CEP126: variants seen among roughly 807,000 people sequenced by gnomAD.
CEP126 encodes centrosomal protein of 126 kDa.
Under a neutral mutation model 107.8 loss-of-function variants are expected in CEP126, and 74 were observed. That is an observed-to-expected ratio of 0.69 (90% confidence interval 0.57 to 0.83). The LOEUF (loss-of-function observed/expected upper bound fraction) is 0.83. Among genes scored for constraint, CEP126 ranks in the 40% least tolerant of loss-of-function variants. The pLI is 0.00. For missense variants in CEP126, 1,237 were observed against 1,281.9 expected (o/e 0.96, Z 0.53); for synonymous variants, 449 against 446.0 (o/e 1.01, Z -0.08).
chr11:101,966,182 A>G (rs1941055310), intron 6 of CEP126, among the ~76,000 whole-genome samples: 1 of 152,204 alleles, frequency 6.6e-6, no homozygotes, highest in South Asian at 2.1e-4. Context: ...TGTTGTAAAT[A>G]TCTATACCTA....
chr11:101,940,697 A>G (rs1940651277), intron 2 of CEP126, among the ~76,000 whole-genome samples: 1 of 152,168 alleles, frequency 6.6e-6, no homozygotes, highest in Non-Finnish European at 1.5e-5. Context: ...AACAATTGGA[A>G]CCAAGCCAGT....
chr11:101,975,886 C>A (rs190829327), intron 6 of CEP126, among the ~76,000 whole-genome samples: 1 of 152,252 alleles, frequency 6.6e-6, no homozygotes, highest in Non-Finnish European at 1.5e-5. Flanking sequence ...TAATGGCCTC[C>A]AGCTCCATTC....
intron 2 of CEP126, among the ~76,000 whole-genome samples, chr11:101,942,688 A>G (rs766306244): frequency 2.8e-4 from 43 of 152,010 alleles, no homozygotes; most frequent in Non-Finnish European, 6.0e-4. Context: ...GGGATTGAAT[A>G]GAATCTGAAG....
At chr11:101,936,742 C>T (rs1240458400) in intron 2 of CEP126, among the ~76,000 whole-genome samples, 1 of 152,124 alleles carries the variant, frequency 6.6e-6, no homozygotes, top group African/African-American at 2.4e-5. Context: ...CCTCTCATTC[C>T]TAGTTTGCTG....
intron 6 of CEP126, among the ~76,000 whole-genome samples, chr11:101,969,718 G>A (rs1941103036): frequency 6.6e-6 from 1 of 152,158 alleles, no homozygotes. Flanking sequence ...TATTATTAAA[G>A]CTAAAGTAAT....
chr11:101,938,294 T>G (rs1314497888), intron 2 of CEP126, among the ~76,000 whole-genome samples: 1 of 151,708 alleles, frequency 6.6e-6, no homozygotes, highest in Non-Finnish European at 1.5e-5. Flanking sequence ...CTGTCTTGCA[T>G]TCATGATATT....
intron 4 of CEP126, among the ~76,000 whole-genome samples, chr11:101,954,652 A>G (rs950669592): frequency 6.6e-6 from 1 of 151,928 alleles, no homozygotes; most frequent in African/African-American, 2.4e-5. Context: ...ATACATATAT[A>G]TATCACATAA....
At position 101,986,489 on chromosome 11, in the gene CEP126, A is replaced by G. The variant is rs1941317992; in HGVS notation, c.3035-343A>G. 7.2e-5 allele frequency among the ~76,000 whole-genome samples: 11 copies of G among 152,276 alleles called. No homozygotes were observed. In the South Asian group the frequency reaches 2.3e-3, roughly 32 times the overall value. ...ATAATTCATTATAACTACTATTATA[A>G]AGACAGTCTTCTTCATCTTTTTTGT... On this transcript the variant is annotated intron_variant, in intron 8 of 10. Coordinates refer to ENST00000263468, the MANE Select transcript of CEP126 (RefSeq NM_020802.4).
At chr11:101,928,510 G>A (rs1940444132) in intron 2 of CEP126, among the ~76,000 whole-genome samples, 1 of 152,200 alleles carries the variant, frequency 6.6e-6, no homozygotes, top group African/African-American at 2.4e-5. Flanking sequence ...TTACAGTTAA[G>A]TCTGTGATCC....
chr11:101,923,893 TG>T (rs1458887208), intron 2 of CEP126, among the ~76,000 whole-genome samples: 14 of 152,200 alleles, frequency 9.2e-5, no homozygotes, highest in Non-Finnish European at 2.1e-4. Flanking sequence ...CAAGGGATTT[TG>T]GTGTAGAGCA....
At chr11:101,984,594 C>G (rs1174018758) in intron 8 of CEP126, among the ~76,000 whole-genome samples, 1 of 151,952 alleles carries the variant, frequency 6.6e-6, no homozygotes, top group African/African-American at 2.4e-5. Flanking sequence ...AAAAAGGTGC[C>G]AATTGACAAT....
chr11:101,989,167 AG>A (rs1941347532), intron 9 of CEP126, among the ~76,000 whole-genome samples: 1 of 152,220 alleles, frequency 6.6e-6, no homozygotes, highest in African/African-American at 2.4e-5. Flanking sequence ...ACCAAAAGAT[AG>A]CCATTAAGAA....
At chr11:101,987,459 C>CAGCT (rs1941328907) in intron 9 of CEP126, among the ~76,000 whole-genome samples, 1 of 152,068 alleles carries the variant, frequency 6.6e-6, no homozygotes, top group African/African-American at 2.4e-5. Context: ...GAGAGTGCAG[C>CAGCT]AGCTAGCTCT....
rs535212770 is a variant in CEP126 at position 101,968,641 on chromosome 11, G to A, written c.2845+4761G>A. 3.9e-5 allele frequency among the ~76,000 whole-genome samples: 6 copies of A among 152,244 alleles called. No individual in the cohort carries two copies. In the South Asian group the frequency reaches 1.2e-3, roughly 32 times the overall value. On this transcript the variant is annotated intron_variant, in intron 6 of 10. Transcript: ENST00000263468. ...AAACTATATGAGCCCATATCTAGAG[G>A]AGCAAATCAGTTCCTCATAGTATAA...
intron 6 of CEP126, among the ~76,000 whole-genome samples, 180 bp downstream of exon 6, chr11:101,964,060 C>CT (rs747744439): frequency 7.2e-5 from 11 of 152,162 alleles, no homozygotes; most frequent in Non-Finnish European, 1.2e-4. Context: ...AATCCCAGCA[C>CT]TTTGGGAGGC....
Position 101,961,883 on chromosome 11 carries a change from T to C in CEP126, c.848T>C (p.Leu283Pro). The change falls in exon 6 of 11, where the codon CTC becomes CCC. Residue 283 changes from leucine (L) to proline (P), a missense_variant. By Grantham distance (98) the Leu-to-Pro change is moderately conservative (BLOSUM62 -3). Around this residue, in one of 3 missense-constraint regions of CEP126, gnomAD observed 1,134 missense variants for 1,150.5 expected, o/e 0.99. Coordinates refer to ENST00000263468, the MANE Select transcript of CEP126 (RefSeq NM_020802.4). ...STSIQRNTISLKPANMQSTNL... is the reference protein window; with the variant it reads ...STSIQRNTISPKPANMQSTNL... ...TCCATCCAGCGGAATACCATTTCCC[T>C]CAAACCAGCAAATATGCAATCAACT... 3.1e-6 allele frequency: 5 copies of C among 1,613,268 alleles called. No homozygotes were observed. In the South Asian group the frequency reaches 3.3e-5, roughly 11 times the overall value.
At position 101,958,149 on chromosome 11, in the gene CEP126, T is replaced by A; in HGVS notation, c.507-19T>A. 6.2e-7 allele frequency: 1 copy of A among 1,607,924 alleles called. No homozygotes were observed. The highest frequency in any genetic ancestry group is 8.5e-7 in the Non-Finnish European group (1 of 1,177,044). ...ACTTTATTTAAATGTACTAAGCACT[T>A]TTTATGTCTGGTTCACAGAGCTATA... On this transcript the variant is annotated intron_variant, in intron 4 of 10. Coordinates refer to ENST00000263468, the MANE Select transcript of CEP126 (RefSeq NM_020802.4).
chr11:101,924,733 G>A (rs1940381963), intron 2 of CEP126, among the ~76,000 whole-genome samples: 1 of 151,946 alleles, frequency 6.6e-6, no homozygotes, highest in African/African-American at 2.4e-5. Context: ...CTCCCAAAGT[G>A]CTGGGATTAT....
chr11:101,955,943 A>G (rs1438439492), intron 4 of CEP126: 8 of 456,182 alleles, frequency 1.8e-5, no homozygotes, highest in African/African-American at 6.0e-5. Context: ...TATACTGCCT[A>G]TCCATCCATC....
Sources: allele counts gnomAD v4.1 joint callset (sites outside exome capture counted in the v4.1 genomes callset), GRCh38; gene constraint gnomAD v4.1.1; regional missense constraint gnomAD v4.1.1; transcripts MANE v1.5; gene names NCBI Gene and HGNC (gene_info 2026-07-23, HGNC 2026-07-21).